The following C4orf54 variants were observed in gnomAD, a reference collection of about 807,000 sequenced individuals.
The protein encoded by C4orf54 is chromosome 4 open reading frame 54.
A neutral mutation model predicts 80.1 loss-of-function variants in C4orf54; 67 were observed. The ratio of observed to expected loss-of-function variants is 0.84; its 90% confidence interval spans 0.69 to 1.03. The LOEUF (loss-of-function observed/expected upper bound fraction) is 1.03, where lower values mean the gene tolerates loss of function less well. Ranked by LOEUF, C4orf54 falls within the 50% of genes least tolerant of loss-of-function variation. The pLI, the probability that C4orf54 is intolerant of heterozygous loss-of-function variation, is 0.00. For synonymous variants in C4orf54, 1,000 were observed against 917.0 expected (o/e 1.09, Z -1.64); for missense variants, 2,434 against 2,253.5 (o/e 1.08, Z -1.62).
rs372020247 is a variant in C4orf54 at position 99,648,140 on chromosome 4, GA to G, written c.*36+1090del. Among the ~76,000 whole-genome samples the G allele has an allele frequency of 4.2e-3, 627 of 150,698 alleles. 4 individuals carry two copies. The highest frequency in any genetic ancestry group is 0.011 in the African/African-American group (466 of 40,910). On this transcript the variant is annotated intron_variant, in intron 2 of 2. Transcript: ENST00000511828. The stretch of plus-strand genomic sequence containing the variant: ...ATATCACCTTTTCCCAATCTGAAGA[GA>G]ACAGGAGTGTAAGGGGCAAGTTTGT...
rs974492545 is a variant in C4orf54 at position 99,641,171 on chromosome 4, G to T, written c.*62C>A. On this transcript the variant is annotated 3_prime_UTR_variant, in exon 3 of 3. Coordinates refer to ENST00000511828, the MANE Select transcript of C4orf54 (RefSeq NM_001354435.2). ...ACAATGCAAATTCCAGATTAAAGAAGAATAGTCCATCTTTTTGTCTTGCTC... is the reference window on the plus strand; with the variant it reads ...ACAATGCAAATTCCAGATTAAAGAATAATAGTCCATCTTTTTGTCTTGCTC... The T allele has an allele frequency of 4.0e-5, 6 of 151,878 alleles. No individual in the cohort carries two copies. The highest frequency in any genetic ancestry group is 1.5e-5 in the Non-Finnish European group (1 of 67,908). The allele number at this position is 151,878 out of a possible 1,614,324, so 9.4% of individuals were successfully genotyped here.
chr4:99,649,992 C>G lies in C4orf54; in HGVS notation c.4657G>C (p.Glu1553Gln). ...VAAPPGPQSP[E>Q]HPPTTIYHQP... ...TGGTAGATGGTGGTGGGGGGATGCT[C>G]GGGGCTCTGTGGCCCTGGGGGGGCA... The change falls in exon 2 of 3, where the codon GAG becomes CAG. Residue 1553 changes from glutamate to glutamine, a missense_variant. Coordinates refer to ENST00000511828, the MANE Select transcript of C4orf54 (RefSeq NM_001354435.2). 2.0e-6 allele frequency: 3 copies of G among 1,534,044 alleles called. No homozygotes were observed. Among genetic ancestry groups the G allele is most frequent in the Non-Finnish European group, 2.6e-6 (3 of 1,146,244 alleles).
chr4:99,650,007 C>G lies in C4orf54; in HGVS notation c.4642G>C (p.Gly1548Arg), dbSNP rs1240008037. The G allele has an allele frequency of 6.5e-7, 1 of 1,534,760 alleles. No individual in the cohort carries two copies. The highest frequency in any genetic ancestry group is 2.0e-5 in the Admixed American group (1 of 50,916). The stretch of plus-strand genomic sequence containing the variant: ...GGGGGATGCTCGGGGCTCTGTGGCC[C>G]TGGGGGGGCAGCTACTGTCTCCCGG... ...NPRETVAAPPGPQSPEHPPTT... is the reference protein window; with the variant it reads ...NPRETVAAPPRPQSPEHPPTT... The change falls in exon 2 of 3, where the codon GGG becomes CGG. Residue 1548 changes from glycine to arginine, a missense_variant. By Grantham distance (125) the Gly-to-Arg change is moderately radical. Coordinates refer to ENST00000511828, the MANE Select transcript of C4orf54 (RefSeq NM_001354435.2).
In C4orf54 at chr4:99,650,088, C is replaced by G; in HGVS notation, c.4561G>C (p.Gly1521Arg). Residue 1521 changes from glycine to arginine, a missense_variant, in exon 2 of 3, where the codon GGC (glycine) becomes CGC (arginine). By Grantham distance (125) the Gly-to-Arg change is moderately radical. Transcript: ENST00000511828. Reference sequence around the variant, plus strand: ...CGGCTGGTTCCACTAACCTGAGAGCCTTTGGAGCTACTGGGGACCTGACTG... The same window carrying G: ...CGGCTGGTTCCACTAACCTGAGAGCGTTTGGAGCTACTGGGGACCTGACTG... The part of the protein sequence containing the change: ...ARSQVPSSSK[G>R]SQVSGTSRPA... 6.5e-7 allele frequency: 1 copy of G among 1,535,840 alleles called. No homozygotes were observed.
chr4:99,640,283 G>A lies in C4orf54; in HGVS notation c.*950C>T, dbSNP rs1391321266. Reference sequence around the variant, plus strand: ...TATTGGGATAGCGAGGCTAGGGCTGGAGTGAATCAGAGCCACTGAATTAGT... The same window carrying A: ...TATTGGGATAGCGAGGCTAGGGCTGAAGTGAATCAGAGCCACTGAATTAGT... On this transcript the variant is annotated 3_prime_UTR_variant, in exon 3 of 3. Transcript: ENST00000511828. The A allele has an allele frequency of 6.6e-6, 1 of 152,138 alleles. No individual in the cohort carries two copies. Among genetic ancestry groups the A allele is most frequent in the African/African-American group, 2.4e-5 (1 of 41,450 alleles). The allele number at this position is 152,138 out of a possible 1,614,324, so 9.4% of individuals were successfully genotyped here.
At chr4:99,655,426 C>T (rs1189261106) in intron 1 of C4orf54, among the ~76,000 whole-genome samples, 1 of 152,176 alleles carries the variant, frequency 6.6e-6, no homozygotes, top group Non-Finnish European at 1.5e-5. Context: ...TAAATATAGC[C>T]TGAGCTGCAG....
In C4orf54 at chr4:99,651,177, C is replaced by T. The variant is rs1001373786; in HGVS notation, c.3472G>A (p.Val1158Ile). ...ATGCTGTCTTCCCTCTGGTTCACTA[C>T]AGCCTGGCATGTAATCACCATGGGG... ...LSPMVITCQAVVNQREDSMDR... is the reference protein window; with the variant it reads ...LSPMVITCQAIVNQREDSMDR... Residue 1158 changes from valine to isoleucine, a missense_variant, in exon 2 of 3, where the codon GTA becomes ATA. Coordinates refer to ENST00000511828, the MANE Select transcript of C4orf54 (RefSeq NM_001354435.2). 23 of 1,536,054 alleles carry T rather than the reference C, an allele frequency of 1.5e-5. No individual in the cohort carries two copies. In the African/African-American group the frequency reaches 2.9e-4, roughly 19 times the overall value.
chr4:99,649,571 T>G lies in C4orf54; in HGVS notation c.5078A>C (p.Gln1693Pro). Residue 1693 changes from glutamine to proline, a missense_variant, in exon 2 of 3, where the codon CAG becomes CCG. By Grantham distance (76) the Gln-to-Pro change is moderately conservative. Transcript: ENST00000511828. ...LPTVLPTNAL[Q>P]PTPIARAPRG... ...TGGAGCGCGAGCAATTGGTGTGGGC[T>G]GCAGAGCATTGGTGGGCAGCACGGT... 6.5e-7 allele frequency: 1 copy of G among 1,536,144 alleles called. No homozygotes were observed. Among genetic ancestry groups the G allele is most frequent in the Non-Finnish European group, 8.7e-7 (1 of 1,146,914 alleles).
At position 99,652,026 on chromosome 4, in the gene C4orf54, C is replaced by G. The variant is rs17600994; in HGVS notation, c.2623G>C (p.Glu875Gln). ...QSSRHSEAGSEYTVVSMSDAG... is the reference protein window; with the variant it reads ...QSSRHSEAGSQYTVVSMSDAG... ...TCGGACATGCTGACCACTGTGTACT[C>G]GGAGCCGGCCTCGGAGTGACGAGAG... The change falls in exon 2 of 3, where the codon GAG becomes CAG. Residue 875 changes from glutamate (E) to glutamine (Q), a missense_variant. Glu to Gln is a conservative substitution (Grantham distance 29, BLOSUM62 2). Transcript: ENST00000511828. 0.012 allele frequency: 18,867 copies of G among 1,536,122 alleles called. 152 individuals are homozygous for G. The highest frequency in any genetic ancestry group is 0.013 in the Non-Finnish European group (15,248 of 1,146,894).
chr4:99,648,179 C>T (rs1340787705), intron 2 of C4orf54, among the ~76,000 whole-genome samples: 1 of 151,934 alleles, frequency 6.6e-6, no homozygotes, highest in African/African-American at 2.4e-5. Flanking sequence ...CCACACAGTT[C>T]TGACACCTTT....
rs986436472 is a variant in C4orf54, at chr4:99,651,710, G to C, written c.2939C>G (p.Ser980Cys). 36 of 1,535,882 alleles carry C rather than the reference G, an allele frequency of 2.3e-5. No individual in the cohort carries two copies. The highest frequency in any genetic ancestry group is 3.0e-5 in the Non-Finnish European group (34 of 1,146,894). ...GDWRADLGEI[S>C]ASKNTIMSRL... ...AGACATGATGGTGTTCTTGCTGGCA[G>C]AAATCTCCCCGAGATCAGCCCGCCA... The change falls in exon 2 of 3, where the codon TCT (serine) becomes TGT (cysteine). Residue 980 changes from serine (S) to cysteine (C), a missense_variant. Physicochemically the swap from Ser to Cys is moderately radical, Grantham distance 112. Transcript: ENST00000511828.
At chr4:99,642,888 G>A (rs376354463) in intron 2 of C4orf54, among the ~76,000 whole-genome samples, 13 of 152,312 alleles carry the variant, frequency 8.5e-5, no homozygotes, top group African/African-American at 3.1e-4. Flanking sequence ...CAGCTGGCAA[G>A]CTATGCTCAG....
In C4orf54 at chr4:99,654,681, T is replaced by C. The variant is rs1560642535; in HGVS notation, c.-31-2A>G. 1.5e-6 allele frequency: 1 copy of C among 668,440 alleles called. No individual in the cohort carries two copies. Among genetic ancestry groups the C allele is most frequent in the East Asian group, 2.7e-5 (1 of 36,596 alleles). The allele number at this position is 668,440 out of a possible 1,614,324, so 41.4% of individuals were successfully genotyped here. A position where few individuals can be genotyped will look rare whatever the true frequency, so the allele number is the denominator to read the frequency against. On this transcript the variant is annotated splice_acceptor_variant, in intron 1 of 2. Transcript: ENST00000511828. LOFTEE classifies it low-confidence loss of function (5UTR_SPLICE). Reference sequence around the variant, plus strand: ...TTCTTGTGAAGCCTTGTCCCTTTCCTGGATGGGGCGAGAGAAGGTCACGTC... The same window carrying C: ...TTCTTGTGAAGCCTTGTCCCTTTCCCGGATGGGGCGAGAGAAGGTCACGTC...
rs139810567 is a variant in C4orf54, at chr4:99,657,582, A to G, written c.-119T>C. On this transcript the variant is annotated 5_prime_UTR_variant, in exon 1 of 3. Transcript: ENST00000511828. ...AAATTTGAAGAGAAATCTTTTTCAA[A>G]TGAAGTCAATTTCCAGTCGGGTTTA... Among the ~76,000 whole-genome samples, 64 of 152,336 alleles carry G rather than the reference A, an allele frequency of 4.2e-4. No individual in the cohort carries two copies. The highest frequency in any genetic ancestry group is 7.8e-4 in the Non-Finnish European group (53 of 68,024).
rs995262435 is a variant in C4orf54, at chr4:99,638,062, A to G, written c.*3171T>C. On this transcript the variant is annotated 3_prime_UTR_variant, in exon 3 of 3. Coordinates refer to ENST00000511828, the MANE Select transcript of C4orf54 (RefSeq NM_001354435.2). ...AAATCTATCTTTTTAAGAGGCAAGG[A>G]TGATAATGTCAAATTTGAAAATAAG... is the stretch of plus-strand genomic sequence containing the variant. 2 of 152,216 alleles carry G rather than the reference A, an allele frequency of 1.3e-5. No individual in the cohort carries two copies. The highest frequency in any genetic ancestry group is 2.9e-5 in the Non-Finnish European group (2 of 68,022). The allele number at this position is 152,216 out of a possible 1,614,324, so 9.4% of individuals were successfully genotyped here. A position where few individuals can be genotyped will look rare whatever the true frequency, so the allele number is the denominator to read the frequency against.
Position 99,653,439 on chromosome 4 carries a change from C to T in C4orf54, c.1210G>A (p.Val404Met), listed in dbSNP as rs1373554522. The T allele has an allele frequency of 5.9e-6, 9 of 1,536,044 alleles. No homozygotes were observed. The highest frequency in any genetic ancestry group is 4.9e-5 in the East Asian group (2 of 40,922). ...FEDNNVIYSF[V>M]DYASFGGSDE... ...CTGCCACCAAAGGAAGCATAATCCA[C>T]GAACGAGTAGATCACGTTGTTGTCC... The change falls in exon 2 of 3, where the codon GTG becomes ATG. Residue 404 changes from valine (V) to methionine (M), a missense_variant. Coordinates refer to ENST00000511828, the MANE Select transcript of C4orf54 (RefSeq NM_001354435.2).
chr4:99,653,420 C>T lies in C4orf54; in HGVS notation c.1229G>A (p.Gly410Asp), dbSNP rs1223066593. 1 of 1,536,098 alleles carries T rather than the reference C, an allele frequency of 6.5e-7. No individual in the cohort carries two copies. The highest frequency in any genetic ancestry group is 2.4e-5 in the East Asian group (1 of 40,910). ...IYSFVDYASFGGSDETPGDIT... is the reference protein window; with the variant it reads ...IYSFVDYASFDGSDETPGDIT... ...GTCCCCTGGGGTCTCGTCGCTGCCA[C>T]CAAAGGAAGCATAATCCACGAACGA... The change falls in exon 2 of 3, where the codon GGT (glycine) becomes GAT (aspartate). Residue 410 changes from glycine to aspartate, a missense_variant. Gly to Asp is a moderately conservative substitution (Grantham distance 94, BLOSUM62 -1). Transcript: ENST00000511828.
chr4:99,648,672 C>T (rs1055834086), intron 2 of C4orf54, among the ~76,000 whole-genome samples: 5 of 152,070 alleles, frequency 3.3e-5, no homozygotes, highest in African/African-American at 7.2e-5. Flanking sequence ...AAAATACAGT[C>T]GCTTTGTATA....
In C4orf54 at chr4:99,652,284, C is replaced by T. The variant is rs1192084091; in HGVS notation, c.2365G>A (p.Glu789Lys). Residue 789 changes from glutamate (E) to lysine (K), a missense_variant, in exon 2 of 3, where the codon GAG becomes AAG. Coordinates refer to ENST00000511828, the MANE Select transcript of C4orf54 (RefSeq NM_001354435.2). ...PGSAYTDDGS[E>K]TSEGSKPTSR... is the part of the protein sequence containing the mutation. Reference sequence around the variant, plus strand: ...GTGGGCTTGCTGCCCTCGGAGGTCTCGGAGCCGTCGTCCGTGTATGCCGAC... The same window carrying T: ...GTGGGCTTGCTGCCCTCGGAGGTCTTGGAGCCGTCGTCCGTGTATGCCGAC... 2.0e-6 allele frequency: 3 copies of T among 1,535,912 alleles called. No homozygotes were observed. Among genetic ancestry groups the T allele is most frequent in the Admixed American group, 2.0e-5 (1 of 50,992 alleles).
Sources: allele counts gnomAD v4.1 joint callset (sites outside exome capture counted in the v4.1 genomes callset), GRCh38; gene constraint gnomAD v4.1.1; transcripts MANE v1.5; gene names NCBI Gene and HGNC (gene_info 2026-07-23, HGNC 2026-07-21).